FABP6: variants seen among roughly 807,000 people sequenced by gnomAD.
FABP6 encodes the protein gastrotropin.
FABP6 carries 13 observed loss-of-function variants against 14.9 expected under a neutral mutation model. The ratio of observed to expected loss-of-function variants is 0.87; its 90% CI spans 0.57 to 1.39. The LOEUF (loss-of-function observed/expected upper bound fraction) is 1.39. Among genes scored for constraint, FABP6 ranks in the 40% most tolerant of loss-of-function variants. The pLI is 0.00. For synonymous variants in FABP6, 75 were observed against 63.6 expected (o/e 1.18, Z -0.85); for missense variants, 161 against 167.2 (o/e 0.96, Z 0.20).
At chr5:160,220,616 T>TTAA (rs1268717506) in intron 3 of FABP6, among the ~76,000 whole-genome samples, 4 of 151,682 alleles carry the variant, frequency 2.6e-5, no homozygotes, top group African/African-American at 9.7e-5. Flanking sequence ...ATAATTATTA[T>TTAA]TAATAATAAA....
intron 2 of FABP6, among the ~76,000 whole-genome samples, chr5:160,210,993 A>C (rs1759878995): frequency 6.6e-6 from 1 of 152,158 alleles, no homozygotes; most frequent in African/African-American, 2.4e-5. Context: ...TTCTGAAGCA[A>C]TATCTTTCAA....
chr5:160,217,602 ATTTAT>A (rs1210023088), intron 3 of FABP6, among the ~76,000 whole-genome samples: 13 of 151,908 alleles, frequency 8.6e-5, no homozygotes, highest in African/African-American at 2.4e-4. Flanking sequence ...GAACTCATTT[ATTTAT>A]TTTATTTTAT....
chr5:160,234,748 C>T, intron 2 of FABP6, 72 bp from the exon 3 acceptor site: 1 of 1,257,270 alleles, frequency 8.0e-7, no homozygotes, highest in Non-Finnish European at 1.1e-6. Flanking sequence ...TTCTTACTGC[C>T]CGCGCCACCA....
At chr5:160,202,539 G>A (rs1443284868) in intron 2 of FABP6, among the ~76,000 whole-genome samples, 3 of 152,266 alleles carry the variant, frequency 2.0e-5, no homozygotes, top group African/African-American at 4.8e-5. Context: ...GCTCACGCCC[G>A]TAATCCCAGC....
At chr5:160,234,965 C>T in intron 3 of FABP6, 56 bp downstream of exon 3, 1 of 1,513,186 alleles carries the variant, frequency 6.6e-7, no homozygotes, top group Non-Finnish European at 9.1e-7. Context: ...GCCTCTTGGC[C>T]ACAGCCCCTC....
At chr5:160,229,445 C>G, upstream of FABP6, 1 of 1,568,512 alleles carries the variant, frequency 6.4e-7, no homozygotes, top group Non-Finnish European at 8.7e-7. Flanking sequence ...AGTGGGGTGA[C>G]TTAGGGGCTG....
chr5:160,210,042 G>A (rs192220302), intron 2 of FABP6, among the ~76,000 whole-genome samples: 1 of 152,304 alleles, frequency 6.6e-6, no homozygotes, highest in Non-Finnish European at 1.5e-5. Context: ...CTGACCAGGG[G>A]AGTCTTGCAG....
At chr5:160,233,005 C>A (rs1438222829) in intron 2 of FABP6, among the ~76,000 whole-genome samples, 6 of 143,966 alleles carry the variant, frequency 4.2e-5, no homozygotes, top group Non-Finnish European at 9.1e-5. Context: ...TTTTTTTATT[C>A]GAGACTCACT....
intron 2 of FABP6, among the ~76,000 whole-genome samples, chr5:160,208,846 G>A (rs1004738093): frequency 4.6e-4 from 68 of 148,530 alleles, no homozygotes; most frequent in Middle Eastern, 3.4e-3. Flanking sequence ...GTGTGATCTC[G>A]GCTCACTGCA....
At chr5:160,218,558 A>G (rs538546690) in intron 3 of FABP6, among the ~76,000 whole-genome samples, 3 of 147,930 alleles carry the variant, frequency 2.0e-5, no homozygotes, top group African/African-American at 7.5e-5. Context: ...CCTCCCGAGT[A>G]CAAGCAGTTC....
At chr5:160,213,272 G>C (rs943161602) in intron 2 of FABP6, among the ~76,000 whole-genome samples, 1 of 152,200 alleles carries the variant, frequency 6.6e-6, no homozygotes, top group Non-Finnish European at 1.5e-5. Context: ...CCCATCGCCC[G>C]ATGGCAATGA....
At chr5:160,210,838 C>T (rs1759872714) in intron 2 of FABP6, among the ~76,000 whole-genome samples, 1 of 152,208 alleles carries the variant, frequency 6.6e-6, no homozygotes, top group Non-Finnish European at 1.5e-5. Context: ...TTACACACCG[C>T]ATTAACACCA....
chr5:160,238,066 G>C (rs1458210023), intron 3 of FABP6, among the ~76,000 whole-genome samples: 2 of 152,132 alleles, frequency 1.3e-5, no homozygotes, highest in Non-Finnish European at 2.9e-5. Flanking sequence ...CAGCTCCACA[G>C]CATGGAGCCT....
At chr5:160,213,129 G>C (rs551496517) in intron 2 of FABP6, among the ~76,000 whole-genome samples, 58 of 152,294 alleles carry the variant, frequency 3.8e-4, no homozygotes, top group Middle Eastern at 6.8e-3. Flanking sequence ...GGTACCACAT[G>C]ACGCTTTTGG....
At chr5:160,217,374 G>C (rs1283042878) in intron 3 of FABP6, among the ~76,000 whole-genome samples, 1 of 152,184 alleles carries the variant, frequency 6.6e-6, no homozygotes, top group African/African-American at 2.4e-5. Flanking sequence ...AAATCACCAA[G>C]GGAATGAGGG....
At chr5:160,192,437 G>A (rs1396986680) in intron 1 of FABP6, among the ~76,000 whole-genome samples, 1 of 152,244 alleles carries the variant, frequency 6.6e-6, no homozygotes, top group Non-Finnish European at 1.5e-5. Context: ...CTCCATTCCT[G>A]CAGAAACCTT....
chr5:160,212,032 G>A (rs1181474143), intron 2 of FABP6, among the ~76,000 whole-genome samples: 1 of 146,382 alleles, frequency 6.8e-6, no homozygotes, highest in Non-Finnish European at 1.5e-5. Context: ...TTATCGCCCA[G>A]GCTGTAGTGC....
At chr5:160,202,984 C>A (rs1262466227) in intron 2 of FABP6, among the ~76,000 whole-genome samples, 2 of 150,860 alleles carry the variant, frequency 1.3e-5, no homozygotes, top group Non-Finnish European at 3.0e-5. Context: ...TCACTGCAAC[C>A]TCTGCCTCCC....
At chr5:160,235,333 C>A (rs1477946874) in intron 3 of FABP6, among the ~76,000 whole-genome samples, 2 of 152,178 alleles carry the variant, frequency 1.3e-5, no homozygotes, top group African/African-American at 4.8e-5. Flanking sequence ...GGACATCAGG[C>A]CCCTTCTACC....
Sources: allele counts gnomAD v4.1 joint callset (sites outside exome capture counted in the v4.1 genomes callset), GRCh38; gene constraint gnomAD v4.1.1; transcripts MANE v1.5; gene names NCBI Gene and HGNC (gene_info 2026-07-23, HGNC 2026-07-21).